The following TEX11 variants were observed in gnomAD, a reference collection of about 807,000 sequenced individuals.
TEX11 encodes the protein testis-expressed protein 11.
A neutral mutation model predicts 84.4 loss-of-function variants in TEX11; 7 were observed. The ratio of observed to expected loss-of-function variants is 0.08; its 90% CI spans 0.05 to 0.16. The LOEUF is 0.16. TEX11 is among the 10% of genes least tolerant of loss of function. The pLI is 1.00. For synonymous variants in TEX11, 264 were observed against 222.8 expected, an observed-to-expected ratio of 1.18 and a Z score of -1.64; for missense variants, 551 against 660.5, an observed-to-expected ratio of 0.83 and a Z score of 1.82.
chrX:70,907,584 C>T (rs2091840718), intron 2 of TEX11, among the ~76,000 whole-genome samples, 169 bp downstream of exon 2: 1 of 110,980 alleles, frequency 9.0e-6, no homozygotes, highest in South Asian at 3.8e-4. Context: ...AGTAGAGACG[C>T]GGTTTCACCA....
At chrX:70,638,512 C>A (rs2089602220) in intron 17 of TEX11, among the ~76,000 whole-genome samples, 1 of 111,037 alleles carries the variant, frequency 9.0e-6, no homozygotes, top group Admixed American at 9.6e-5. Context: ...AAAAGATAAA[C>A]AAAATCACCA....
intron 9 of TEX11, among the ~76,000 whole-genome samples, chrX:70,793,883 C>T (rs1836206609): frequency 9.3e-6 from 1 of 106,957 alleles, no homozygotes; most frequent in African/African-American, 3.4e-5. Context: ...AAAAAAAAGG[C>T]TCTTAGAACT....
At chrX:70,728,480 C>A (rs2090617286) in intron 11 of TEX11, among the ~76,000 whole-genome samples, 1 of 113,034 alleles carries the variant, frequency 8.8e-6, no homozygotes, top group African/African-American at 3.2e-5. Flanking sequence ...CTGCGCACTT[C>A]CAACGGTCTT....
intron 10 of TEX11, among the ~76,000 whole-genome samples, chrX:70,741,332 C>T (rs896979029): frequency 9.0e-6 from 1 of 111,714 alleles, no homozygotes; most frequent in Non-Finnish European, 1.9e-5. Flanking sequence ...AGACATAAAA[C>T]AGGACAACTG....
intron 13 of TEX11, among the ~76,000 whole-genome samples, chrX:70,710,826 T>A (rs1192606502): frequency 9.0e-6 from 1 of 111,204 alleles, no homozygotes; most frequent in Non-Finnish European, 1.9e-5. Context: ...TTAGGGTACA[T>A]GTGCACATTG....
chrX:70,711,106 A>T (rs2090427780), intron 13 of TEX11, among the ~76,000 whole-genome samples: 1 of 111,088 alleles, frequency 9.0e-6, no homozygotes, highest in South Asian at 3.9e-4. Context: ...TGTCCCTACA[A>T]GGGACATGAA....
chrX:70,744,108 C>T (rs1177955028), intron 10 of TEX11, 57 bp downstream of exon 10: 4 of 751,747 alleles, frequency 5.3e-6, no homozygotes, highest in South Asian at 8.7e-5. Context: ...AATTTTATAA[C>T]AATAAAATAA....
chrX:70,760,444 T>C (rs1002795679), intron 9 of TEX11, among the ~76,000 whole-genome samples: 14 of 108,611 alleles, frequency 1.3e-4, no homozygotes, highest in Non-Finnish European at 2.3e-4. Flanking sequence ...GAACAGAGGC[T>C]TCAGACACCA....
chrX:70,638,725 C>T (rs747954499), intron 17 of TEX11, among the ~76,000 whole-genome samples: 12 of 99,769 alleles, frequency 1.2e-4, no homozygotes, highest in Admixed American at 8.4e-4. Flanking sequence ...TGCTTGAACC[C>T]GGGAGGTGGA....
At chrX:70,539,499 CTG>C (rs1569315096) in intron 28 of TEX11, among the ~76,000 whole-genome samples, 2 of 110,899 alleles carry the variant, frequency 1.8e-5, no homozygotes, top group Admixed American at 9.7e-5. Flanking sequence ...AGGAAAGAGT[CTG>C]TGTTCTTCTG....
At chrX:70,752,297 C>T (rs908114737) in intron 9 of TEX11, among the ~76,000 whole-genome samples, 3 of 109,644 alleles carry the variant, frequency 2.7e-5, no homozygotes, top group Non-Finnish European at 5.7e-5. Flanking sequence ...AGTAGTAAAG[C>T]TTTTATCACC....
chrX:70,668,367 G>A (rs1369561651), intron 16 of TEX11, among the ~76,000 whole-genome samples: 1 of 112,250 alleles, frequency 8.9e-6, no homozygotes, highest in Non-Finnish European at 1.9e-5. Flanking sequence ...CACTGGCGAG[G>A]TGGGATTATT....
chrX:70,877,375 A>G (rs138504812), intron 3 of TEX11, among the ~76,000 whole-genome samples: 305 of 111,540 alleles, frequency 2.7e-3, no homozygotes, highest in African/African-American at 9.2e-3. Flanking sequence ...AAAAAACAGA[A>G]CAACAAGTAT....
intron 25 of TEX11, among the ~76,000 whole-genome samples, chrX:70,579,258 G>C (rs1048097995): frequency 9.3e-6 from 1 of 107,292 alleles, no homozygotes; most frequent in Non-Finnish European, 1.9e-5. Flanking sequence ...GGAGGCGGAG[G>C]TGGGTGGATC....
At chrX:70,646,769 T>C (rs978168264) in intron 17 of TEX11, among the ~76,000 whole-genome samples, 1 of 112,031 alleles carries the variant, frequency 8.9e-6, no homozygotes, top group Non-Finnish European at 1.9e-5. Context: ...AACTCTTGCA[T>C]ATTGTAGGTG....
intron 17 of TEX11, among the ~76,000 whole-genome samples, 162 bp from the exon 18 acceptor site, chrX:70,629,897 T>G (rs1377415298): frequency 8.9e-6 from 1 of 112,306 alleles, no homozygotes; most frequent in African/African-American, 3.2e-5. Context: ...CAAGGAGGAT[T>G]TGAACACCAG....
the TEX11 span, among the ~76,000 whole-genome samples, chrX:70,518,932 A>T: frequency 1.8e-5 from 2 of 111,763 alleles, no homozygotes; most frequent in Non-Finnish European, 3.8e-5. Context: ...CTAGGATTAT[A>T]ACCCCTGCTC....
chrX:70,834,652 C>A (rs1288709057), intron 7 of TEX11, among the ~76,000 whole-genome samples: 4 of 109,032 alleles, frequency 3.7e-5, no homozygotes, highest in Admixed American at 9.9e-5. Flanking sequence ...CACAAATTAG[C>A]TGGGTGTGGT....
rs199673809 is a variant in TEX11, at chrX:70,682,777, C to T, written c.1053G>A (p.Lys351=). 4 of 1,208,213 alleles carry T rather than the reference C, an allele frequency of 3.3e-6. No homozygotes were observed. Among genetic ancestry groups the T allele is most frequent in the Non-Finnish European group, 3.4e-6 (3 of 894,248 alleles). The part of the protein sequence containing the change: ...HFLTIIHERF[K]SSENIGKVLI... Reference sequence around the variant, plus strand: ...GAACTTTTCCAATATTTTCCGATGACTTAAAACGTTCATGAATAATCGTCA... The same window carrying T: ...GAACTTTTCCAATATTTTCCGATGATTTAAAACGTTCATGAATAATCGTCA... Residue 351 remains lysine, a synonymous_variant, in exon 14 of 30, where the codon AAG becomes AAA. Coordinates refer to ENST00000374333, the MANE Select transcript of TEX11 (RefSeq NM_031276.3).
Sources: gnomAD v4.1 joint callset for allele counts (sites outside exome capture counted in the v4.1 genomes callset) on GRCh38, gnomAD v4.1.1 for gene constraint, MANE v1.5 for transcripts, NCBI Gene and HGNC (gene_info 2026-07-23, HGNC 2026-07-21) for gene names.